PLCXD3: variants seen among roughly 807,000 people sequenced by gnomAD.
PLCXD3 encodes the protein PI-PLC X domain-containing protein 3.
PLCXD3 carries 19 observed loss-of-function variants against 25.5 expected under a neutral mutation model. The ratio of observed to expected loss-of-function variants is 0.75; its 90% CI spans 0.52 to 1.09. PLCXD3 has a LOEUF of 1.09. Among genes scored for constraint, PLCXD3 ranks in the 50% least tolerant of loss-of-function variants. PLCXD3 has a pLI of 0.00. For missense variants in PLCXD3, 411 were observed against 388.1 expected, an observed-to-expected ratio of 1.06 and a Z score of -0.50; for synonymous variants, 174 against 137.6, an observed-to-expected ratio of 1.26 and a Z score of -1.85.
intron 1 of PLCXD3, among the ~76,000 whole-genome samples, chr5:41,428,039 C>T (rs911602512): frequency 3.3e-5 from 5 of 152,166 alleles, no homozygotes; most frequent in Non-Finnish European, 7.4e-5. Context: ...TTCCCACTTT[C>T]TTTGGGACTT....
At chr5:41,462,840 C>G (rs1305299803) in intron 1 of PLCXD3, among the ~76,000 whole-genome samples, 1 of 151,640 alleles carries the variant, frequency 6.6e-6, no homozygotes, top group African/African-American at 2.4e-5. Flanking sequence ...AAAAATGATG[C>G]TGAGATGAGA....
At chr5:41,402,611 CTA>C (rs1746220023) in intron 1 of PLCXD3, among the ~76,000 whole-genome samples, 1 of 151,726 alleles carries the variant, frequency 6.6e-6, no homozygotes, top group Non-Finnish European at 1.5e-5. Flanking sequence ...TTCCATATCT[CTA>C]TTAATTTTCT....
chr5:41,472,071 T>C (rs773637672), intron 1 of PLCXD3, among the ~76,000 whole-genome samples: 3 of 149,766 alleles, frequency 2.0e-5, no homozygotes, highest in Non-Finnish European at 4.4e-5. Context: ...AGCACCTGGC[T>C]CAATTCCAGA....
At chr5:41,492,286 G>C (rs1200980290) in intron 1 of PLCXD3, among the ~76,000 whole-genome samples, 1 of 152,206 alleles carries the variant, frequency 6.6e-6, no homozygotes, top group Non-Finnish European at 1.5e-5. Context: ...GGCTTGTAGA[G>C]TTTCTGCCGA....
chr5:41,379,346 A>G (rs1250757537), intron 2 of PLCXD3, among the ~76,000 whole-genome samples: 1 of 152,124 alleles, frequency 6.6e-6, no homozygotes, highest in Non-Finnish European at 1.5e-5. Context: ...CAGAAAAAAT[A>G]ACGTTTGTAG....
chr5:41,493,370 C>T (rs1009628832), intron 1 of PLCXD3, among the ~76,000 whole-genome samples: 2 of 152,204 alleles, frequency 1.3e-5, no homozygotes, highest in African/African-American at 2.4e-5. Context: ...TTAGGCTGCT[C>T]AGGGGTCAGG....
At chr5:41,486,920 G>A (rs1312316101) in intron 1 of PLCXD3, among the ~76,000 whole-genome samples, 2 of 152,210 alleles carry the variant, frequency 1.3e-5, no homozygotes, top group African/African-American at 4.8e-5. Flanking sequence ...AACCAAGACT[G>A]ACCATGGCAT....
intron 1 of PLCXD3, among the ~76,000 whole-genome samples, chr5:41,491,762 C>A (rs1269663600): frequency 2.0e-5 from 3 of 152,000 alleles, no homozygotes; most frequent in African/African-American, 7.3e-5. Context: ...GCAACCCCTG[C>A]CTTTTTTTGT....
At chr5:41,496,199 A>G (rs1204617815) in intron 1 of PLCXD3, among the ~76,000 whole-genome samples, 1 of 152,088 alleles carries the variant, frequency 6.6e-6, no homozygotes, top group Non-Finnish European at 1.5e-5. Context: ...ATAAAACAGA[A>G]GAAATCCTTA....
rs563543835 is a variant in PLCXD3 at position 41,307,522 on chromosome 5, G to C, written c.*6095C>G. 48 of 152,162 alleles carry C rather than the reference G, an allele frequency of 3.2e-4. No homozygotes were observed. The highest frequency in any genetic ancestry group is 1.0e-3 in the African/African-American group (42 of 41,504). The allele number at this position is 152,162 out of a possible 1,614,324, so 9.4% of individuals were successfully genotyped here. ...TCAATTCCAAAAAAAAATAGTACTG[G>C]TCGTTATAATTTGCTTTGACGAGTC... On this transcript the variant is annotated 3_prime_UTR_variant, in exon 3 of 3. Coordinates refer to ENST00000377801, the MANE Select transcript of PLCXD3 (RefSeq NM_001005473.3).
chr5:41,502,844 G>A (rs1303147474), intron 1 of PLCXD3, among the ~76,000 whole-genome samples: 1 of 152,168 alleles, frequency 6.6e-6, no homozygotes. Context: ...TGAATCTCAT[G>A]CTGGACCAAG....
chr5:41,403,414 T>TTTTGTTTTTG (rs1378237073), intron 1 of PLCXD3, among the ~76,000 whole-genome samples: 3 of 45,024 alleles, frequency 6.7e-5, no homozygotes, highest in Admixed American at 2.1e-4. Flanking sequence ...TTTTTTTTTT[T>TTTTGTTTTTG]TTATTATACT....
At chr5:41,464,290 AG>A (rs1747959524) in intron 1 of PLCXD3, among the ~76,000 whole-genome samples, 1 of 152,078 alleles carries the variant, frequency 6.6e-6, no homozygotes, top group Non-Finnish European at 1.5e-5. Context: ...AGCTCTTCAA[AG>A]ATTATATTCC....
At chr5:41,469,103 CA>C in intron 1 of PLCXD3, among the ~76,000 whole-genome samples, 1 of 152,196 alleles carries the variant, frequency 6.6e-6, no homozygotes, top group African/African-American at 2.4e-5. Context: ...TAAATTTTAT[CA>C]AATGTTTTTT....
intron 2 of PLCXD3, among the ~76,000 whole-genome samples, chr5:41,348,159 TAA>T (rs1021475992): frequency 1.3e-5 from 2 of 152,210 alleles, no homozygotes; most frequent in African/African-American, 4.8e-5. Context: ...CCCCGTTTAC[TAA>T]ATGAGTTAGA....
chr5:41,409,262 G>A lies in PLCXD3; in HGVS notation c.104-26728C>T, dbSNP rs964338948. 3.3e-5 allele frequency among the ~76,000 whole-genome samples: 5 copies of A among 152,238 alleles called. No individual in the cohort carries two copies. In the East Asian group the frequency reaches 9.7e-4, roughly 29 times the overall value. On this transcript the variant is annotated intron_variant, in intron 1 of 2. Transcript: ENST00000377801. The stretch of plus-strand genomic sequence containing the variant: ...GAGAAACTGGATTATCGGGAGCCTT[G>A]AGCAGCCTTAAGCCCAGGGTGCTAA...
At chr5:41,480,977 A>G (rs1405187897) in intron 1 of PLCXD3, among the ~76,000 whole-genome samples, 4 of 152,094 alleles carry the variant, frequency 2.6e-5, no homozygotes, top group African/African-American at 9.7e-5. Context: ...GCATTAAAGT[A>G]TACTAACACT....
intron 2 of PLCXD3, among the ~76,000 whole-genome samples, chr5:41,345,162 A>G (rs1372069005): frequency 6.6e-6 from 1 of 152,216 alleles, no homozygotes. Flanking sequence ...TTTGTGTCCA[A>G]ATAATATGAT....
intron 1 of PLCXD3, among the ~76,000 whole-genome samples, chr5:41,494,329 A>G (rs1748788296): frequency 6.6e-6 from 1 of 152,220 alleles, no homozygotes. Context: ...GGGCAGGAAA[A>G]CTGGTTTGAA....
Sources: gnomAD v4.1 joint callset for allele counts (sites outside exome capture counted in the v4.1 genomes callset) on GRCh38, gnomAD v4.1.1 for gene constraint, MANE v1.5 for transcripts, NCBI Gene and HGNC (gene_info 2026-07-23, HGNC 2026-07-21) for gene names.